The following GALM variants were observed in gnomAD, a reference collection of about 807,000 sequenced individuals.
GALM encodes galactose mutarotase.
A neutral mutation model predicts 37.4 loss-of-function variants in GALM; 43 were observed. The observed-to-expected ratio is 1.15, with a 90% confidence interval of 0.90 to 1.48. The LOEUF is 1.48. Among genes scored for constraint, GALM ranks in the 40% most tolerant of loss-of-function variants. The pLI is 0.00. For missense variants in GALM, 456 were observed against 419.1 expected (o/e 1.09, Z -0.77); for synonymous variants, 199 against 170.6 (o/e 1.17, Z -1.30).
intron 4 of GALM, among the ~76,000 whole-genome samples, chr2:38,697,931 G>C (rs896512583): frequency 2.0e-5 from 3 of 151,394 alleles, no homozygotes; most frequent in African/African-American, 7.3e-5. Flanking sequence ...TCTTCCTGTT[G>C]GCAATTTTGG....
intron 4 of GALM, among the ~76,000 whole-genome samples, chr2:38,695,310 T>TTAAA (rs747470263): frequency 6.1e-4 from 93 of 151,974 alleles, no homozygotes; most frequent in East Asian, 4.8e-3. Flanking sequence ...AATAAATAAA[T>TTAAA]TAAATAAATA....
rs34372976 is a variant in GALM at position 38,720,414 on chromosome 2, TAAAA to T, written c.635-9120_635-9117del. Among the ~76,000 whole-genome samples the T allele has an allele frequency of 5.7e-3, 531 of 92,832 alleles. 7 individuals carry two copies. The South Asian group carries it at 0.059, about 10-fold the overall frequency. 60.9% of individuals were successfully genotyped at this position (92,832 alleles called of 152,430 possible). ...TAATCACGTGAAGGCACTTCTATGT[TAAAA>T]AAAAAAAAAAAAAAAAAAAAAGGCT... On this transcript the variant is annotated intron_variant, in intron 4 of 6. Transcript: ENST00000272252.
At chr2:38,711,425 T>A (rs1271256498) in intron 4 of GALM, among the ~76,000 whole-genome samples, 1 of 151,860 alleles carries the variant, frequency 6.6e-6, no homozygotes, top group Non-Finnish European at 1.5e-5. Flanking sequence ...CTTCCCAAAT[T>A]GCCTGGATTA....
intron 5 of GALM, among the ~76,000 whole-genome samples, chr2:38,730,623 T>G (rs901535437): frequency 3.3e-5 from 5 of 151,988 alleles, no homozygotes; most frequent in Non-Finnish European, 7.4e-5. Context: ...AGAAAGAAGA[T>G]CAAAGACCTT....
chr2:38,708,731 GAAAAAA>G (rs35151264), intron 4 of GALM, among the ~76,000 whole-genome samples: 1 of 91,524 alleles, frequency 1.1e-5, no homozygotes, highest in East Asian at 2.8e-4. Context: ...TCTGTCTCAA[GAAAAAA>G]AAAAAAAAAA....
intron 4 of GALM, among the ~76,000 whole-genome samples, chr2:38,711,162 C>CTTT (rs35852563): frequency 7.4e-6 from 1 of 135,616 alleles, no homozygotes; most frequent in South Asian, 2.3e-4. Flanking sequence ...TACAGATAGC[C>CTTT]TTTTTTTTTT....
At chr2:38,670,688 T>C (rs1367499386) in intron 1 of GALM, among the ~76,000 whole-genome samples, 1 of 152,332 alleles carries the variant, frequency 6.6e-6, no homozygotes, top group Admixed American at 6.5e-5. Context: ...CAACTAATCA[T>C]TTTTATCCCC....
rs1444908611 is a variant in GALM, at chr2:38,733,644, A to C, written c.*79A>C. The C allele has an allele frequency of 9.0e-6, 9 of 1,002,606 alleles. No homozygotes were observed. The African/African-American group carries it at 1.1e-4, about 13-fold the overall frequency. The allele number at this position is 1,002,606 out of a possible 1,614,324, so 62.1% of individuals were successfully genotyped here. A position where few individuals can be genotyped will look rare whatever the true frequency, so the allele number is the denominator to read the frequency against. On this transcript the variant is annotated 3_prime_UTR_variant, in exon 7 of 7. Transcript: ENST00000272252. ...GTCCAGAAAAAAGGTGAAGATTAAG[A>C]AGCTTTCAGAATGATTCTATGGATT...
At chr2:38,680,074 G>T (rs1465371479) in intron 2 of GALM, 4 of 454,994 alleles carry the variant, frequency 8.8e-6, no homozygotes, top group African/African-American at 2.0e-5. Context: ...GAGTGCAATG[G>T]TGTGTGCGAT....
chr2:38,677,983 T>G (rs149682578), intron 2 of GALM, among the ~76,000 whole-genome samples: 149 of 150,724 alleles, frequency 9.9e-4, no homozygotes, highest in African/African-American at 3.3e-3. Flanking sequence ...GACTGCACAG[T>G]GGCCCTGAGA....
chr2:38,708,548 C>T (rs933894109), intron 4 of GALM, among the ~76,000 whole-genome samples: 43 of 151,868 alleles, frequency 2.8e-4, no homozygotes, highest in Admixed American at 1.5e-3. Context: ...GAGACCATCC[C>T]AGCTAACATG....
chr2:38,723,168 T>C (rs1276306362), intron 4 of GALM, among the ~76,000 whole-genome samples: 1 of 152,192 alleles, frequency 6.6e-6, no homozygotes, highest in African/African-American at 2.4e-5. Flanking sequence ...ACTTTCCTTA[T>C]AGACACATCA....
Position 38,678,407 on chromosome 2 carries a change from G to T in GALM, c.345+2341G>T, listed in dbSNP as rs147638241. On this transcript the variant is annotated intron_variant, in intron 2 of 6. Coordinates refer to ENST00000272252, the MANE Select transcript of GALM (RefSeq NM_138801.3). Reference sequence around the variant, plus strand: ...GTTTCTGGAAATTTGGAAACTACAGGCTCAGGGAAATCCTTCCATAAATAG... The same window carrying T: ...GTTTCTGGAAATTTGGAAACTACAGTCTCAGGGAAATCCTTCCATAAATAG... Among the ~76,000 whole-genome samples the T allele has an allele frequency of 5.7e-3, 869 of 152,210 alleles. 7 individuals are homozygous for T. Among genetic ancestry groups the T allele is most frequent in the African/African-American group, 0.02 (823 of 41,520 alleles).
At chr2:38,716,973 G>A (rs1306390533) in intron 4 of GALM, among the ~76,000 whole-genome samples, 10 of 152,148 alleles carry the variant, frequency 6.6e-5, no homozygotes, top group Admixed American at 2.6e-4. Context: ...CTATGGGGCC[G>A]GGCACAGTGG....
intron 3 of GALM, among the ~76,000 whole-genome samples, chr2:38,686,254 T>C (rs567177306): frequency 7.5e-6 from 1 of 132,666 alleles, no homozygotes; most frequent in Non-Finnish European, 1.5e-5. Context: ...CTTTCTTTCT[T>C]TCTTTCTTTC....
intron 4 of GALM, among the ~76,000 whole-genome samples, chr2:38,691,738 T>TA (rs1264241693): frequency 4.6e-5 from 7 of 151,380 alleles, no homozygotes; most frequent in African/African-American, 1.7e-4. Flanking sequence ...TTTTTTTTTT[T>TA]TAAAAAAGAC....
Position 38,681,358 on chromosome 2 carries a change from G to A in GALM, c.424G>A (p.Gly142Arg), listed in dbSNP as rs114440198. ...TCCAGATGGTGAAGAAGGCTACCCC[G>A]GAGAGTTAAAAGTCTGGGTGACATA... ...ISPDGEEGYP[G>R]ELKVWVTYTL... is the part of the protein sequence containing the mutation. The change falls in exon 3 of 7, where the codon GGA becomes AGA. Residue 142 changes from glycine to arginine, a missense_variant. Coordinates refer to ENST00000272252, the MANE Select transcript of GALM (RefSeq NM_138801.3). The A allele has an allele frequency of 3.7e-4, 597 of 1,614,110 alleles. 3 individuals are homozygous for A. In the African/African-American group the frequency reaches 6.4e-3, roughly 17 times the overall value.
chr2:38,729,759 T>C (rs935380898), intron 5 of GALM, 62 bp downstream of exon 5: 15 of 1,407,352 alleles, frequency 1.1e-5, no homozygotes, highest in African/African-American at 4.3e-5. Flanking sequence ...CTATTTTCCT[T>C]TGGAGCTTTT....
intron 6 of GALM, among the ~76,000 whole-genome samples, chr2:38,733,041 C>T (rs757628932): frequency 6.6e-6 from 1 of 151,390 alleles, no homozygotes; most frequent in Admixed American, 6.6e-5. Flanking sequence ...GTCAACATGA[C>T]AAAACCCTGT....
Sources: gnomAD v4.1 joint callset for allele counts (sites outside exome capture counted in the v4.1 genomes callset) on GRCh38, gnomAD v4.1.1 for gene constraint, MANE v1.5 for transcripts, NCBI Gene and HGNC (gene_info 2026-07-23, HGNC 2026-07-21) for gene names.